The following WWOX variants were observed in gnomAD, a reference collection of about 807,000 sequenced individuals.
WWOX encodes WW domain containing oxidoreductase, also known as WW domain-containing oxidoreductase.
WWOX carries 69 observed loss-of-function variants against 46.2 expected under a neutral mutation model. That is an observed-to-expected ratio of 1.49 (90% confidence interval 1.23 to 1.82). The LOEUF (loss-of-function observed/expected upper bound fraction) is 1.82, where lower values mean the gene tolerates loss of function less well. Among genes scored for constraint, WWOX ranks in the 40% most tolerant of loss-of-function variants. WWOX has a pLI of 0.00. For missense variants in WWOX, 919 were observed against 542.6 expected, an observed-to-expected ratio of 1.69 and a Z score of -6.89; for synonymous variants, 359 against 202.6, an observed-to-expected ratio of 1.77 and a Z score of -6.56.
intron 8 of WWOX, among the ~76,000 whole-genome samples, chr16:78,970,047 G>C (rs1207033609): frequency 6.6e-6 from 1 of 152,176 alleles, no homozygotes; most frequent in Non-Finnish European, 1.5e-5. Flanking sequence ...TGAAAACTGT[G>C]ATGGGATTCA....
chr16:78,405,202 A>G (rs9923888), intron 6 of WWOX, among the ~76,000 whole-genome samples: 18,462 of 152,182 alleles, frequency 0.12, 1,568 homozygotes, highest in East Asian at 0.44. Flanking sequence ...AATTCACTAT[A>G]AGAAGTTGCA....
At chr16:78,814,777 G>A (rs908146413) in intron 8 of WWOX, among the ~76,000 whole-genome samples, 1 of 152,174 alleles carries the variant, frequency 6.6e-6, no homozygotes, top group Admixed American at 6.5e-5. Flanking sequence ...TACAGCCAAG[G>A]CCTTCTGGTT....
At chr16:79,027,015 C>T (rs1239487242) in intron 8 of WWOX, among the ~76,000 whole-genome samples, 1 of 151,554 alleles carries the variant, frequency 6.6e-6, no homozygotes, top group African/African-American at 2.4e-5. Context: ...TACAGTGGCT[C>T]ATGCCTGTAA....
intron 8 of WWOX, among the ~76,000 whole-genome samples, chr16:79,007,679 TGAA>T (rs1165679415): frequency 6.6e-6 from 1 of 152,250 alleles, no homozygotes; most frequent in African/African-American, 2.4e-5. Context: ...TGTTATCAGA[TGAA>T]GAAGTAGATT....
At chr16:78,541,963 G>T (rs1181335412) in intron 8 of WWOX, among the ~76,000 whole-genome samples, 3 of 139,018 alleles carry the variant, frequency 2.2e-5, no homozygotes, top group African/African-American at 8.1e-5. Flanking sequence ...TATTTGCATG[G>T]ATTGGTGTCA....
chr16:78,580,596 T>C (rs907330667), intron 8 of WWOX, among the ~76,000 whole-genome samples: 7 of 152,220 alleles, frequency 4.6e-5, no homozygotes, highest in Non-Finnish European at 8.8e-5. Flanking sequence ...AGCACACTTC[T>C]CTACATTACC....
chr16:78,541,415 A>G (rs1303213647), intron 8 of WWOX, among the ~76,000 whole-genome samples: 1 of 123,268 alleles, frequency 8.1e-6, no homozygotes, highest in African/African-American at 2.9e-5. Context: ...CGGAGCTTGC[A>G]GTGAGCCGAG....
At chr16:79,193,813 C>T (rs1268478929) in intron 8 of WWOX, among the ~76,000 whole-genome samples, 1 of 152,114 alleles carries the variant, frequency 6.6e-6, no homozygotes, top group African/African-American at 2.4e-5. Context: ...GAAGCTGAAT[C>T]AGTAGACAGA....
chr16:78,660,082 G>C (rs1474032140), intron 8 of WWOX, among the ~76,000 whole-genome samples: 1 of 152,174 alleles, frequency 6.6e-6, no homozygotes, highest in African/African-American at 2.4e-5. Context: ...TATCTTCTCT[G>C]TGCAAGTGTG....
At chr16:78,534,577 T>G (rs2043711442) in intron 8 of WWOX, 1 of 152,210 alleles carries the variant, frequency 6.6e-6, no homozygotes, top group Admixed American at 6.5e-5. Context: ...TCTGGAAATC[T>G]TGGAAGGTGA....
chr16:79,147,535 A>C (rs959577822), intron 8 of WWOX, among the ~76,000 whole-genome samples: 1 of 152,224 alleles, frequency 6.6e-6, no homozygotes, highest in African/African-American at 2.4e-5. Context: ...TGGCTATTGA[A>C]AGTAATGCTA....
intron 5 of WWOX, among the ~76,000 whole-genome samples, chr16:78,306,168 G>A (rs931372394): frequency 5.3e-5 from 8 of 152,012 alleles, no homozygotes; most frequent in Admixed American, 1.3e-4. Context: ...TATAGTGAAC[G>A]GGTGGCTTCT....
intron 8 of WWOX, among the ~76,000 whole-genome samples, chr16:78,979,564 C>T (rs8063569): frequency 3.3e-5 from 5 of 151,890 alleles, no homozygotes; most frequent in South Asian, 2.1e-4. Flanking sequence ...GCTCCTGTGA[C>T]GGTTTCTACA....
At chr16:78,309,457 G>A (rs937940687) in intron 5 of WWOX, among the ~76,000 whole-genome samples, 5 of 152,118 alleles carry the variant, frequency 3.3e-5, no homozygotes, top group African/African-American at 4.8e-5. Context: ...AATATACCAC[G>A]TATGACTTGG....
chr16:79,106,582 A>ATTTTTTTTTTTTTTTTT lies in WWOX; in HGVS notation c.1057-105009_1057-104993dup, dbSNP rs752318131. ...CCTAAAATGACTCTTTCTTAAAATA[A>ATTTTTTTTTTTTTTTTT]TTTTTTTTTTTTTTTTTTTTTTTTT... On this transcript the variant is annotated intron_variant, in intron 8 of 8. Coordinates refer to ENST00000566780, the MANE Select transcript of WWOX (RefSeq NM_016373.4). 43 of 79,524 alleles carry ATTTTTTTTTTTTTTTTT rather than the reference A, an allele frequency of 5.4e-4. 3 individuals are homozygous for ATTTTTTTTTTTTTTTTT. The highest frequency in any genetic ancestry group is 2.2e-3 in the African/African-American group (41 of 18,842). 4.9% of individuals were successfully genotyped at this position (79,524 alleles called of 1,614,324 possible).
At chr16:78,355,329 G>A (rs761901461) in intron 5 of WWOX, among the ~76,000 whole-genome samples, 4 of 152,154 alleles carry the variant, frequency 2.6e-5, no homozygotes, top group South Asian at 4.1e-4. Flanking sequence ...GGTGCTGGGC[G>A]CAGTGGCTCA....
chr16:78,329,023 G>T (rs754380557), intron 5 of WWOX, among the ~76,000 whole-genome samples: 5 of 151,920 alleles, frequency 3.3e-5, no homozygotes, highest in Admixed American at 6.6e-5. Context: ...CACCATGACA[G>T]GCTGATTTTC....
intron 8 of WWOX, among the ~76,000 whole-genome samples, chr16:79,129,620 A>G (rs1382875933): frequency 6.6e-6 from 1 of 152,102 alleles, no homozygotes; most frequent in African/African-American, 2.4e-5. Flanking sequence ...TACACTGAAA[A>G]TAAATTCTCA....
chr16:78,295,351 A>G (rs1197142580), intron 5 of WWOX, among the ~76,000 whole-genome samples: 1 of 152,182 alleles, frequency 6.6e-6, no homozygotes, highest in Non-Finnish European at 1.5e-5. Flanking sequence ...TGGGGATTCT[A>G]TGCATGATCT....
Sources: gnomAD v4.1 joint callset for allele counts (sites outside exome capture counted in the v4.1 genomes callset) on GRCh38, gnomAD v4.1.1 for gene constraint, MANE v1.5 for transcripts, NCBI Gene and HGNC (gene_info 2026-07-23, HGNC 2026-07-21) for gene names.